The following CLASP1 variants were observed in gnomAD, a reference collection of about 807,000 sequenced individuals.
The protein encoded by CLASP1 is cytoplasmic linker associated protein 1.
A neutral mutation model predicts 192.3 loss-of-function variants in CLASP1; 38 were observed. The observed-to-expected ratio is 0.20, with a 90% confidence interval of 0.15 to 0.26. CLASP1 has a LOEUF of 0.26. CLASP1 is among the 10% of genes least tolerant of loss of function. The pLI, the probability that CLASP1 is intolerant of heterozygous loss-of-function variation, is 1.00. For missense variants in CLASP1, 1,433 were observed against 1,932.5 expected, an observed-to-expected ratio of 0.74 and a Z score of 4.85; for synonymous variants, 691 against 712.8, an observed-to-expected ratio of 0.97 and a Z score of 0.49.
At chr2:121,467,439 ACTC>A (rs1448503086) in intron 9 of CLASP1, among the ~76,000 whole-genome samples, 2 of 151,776 alleles carry the variant, frequency 1.3e-5, no homozygotes, top group Non-Finnish European at 2.9e-5. Flanking sequence ...GTGTAAAAGC[ACTC>A]CTTTTTCTCC....
chr2:121,514,679 C>A (rs939754092), intron 7 of CLASP1, among the ~76,000 whole-genome samples: 3 of 152,218 alleles, frequency 2.0e-5, no homozygotes, highest in African/African-American at 7.2e-5. Context: ...GCCCGTGGAG[C>A]CACCACTTGA....
At chr2:121,460,081 A>G (rs1306773185) in exon 12 of CLASP1, 1 of 1,613,660 alleles carries the variant, frequency 6.2e-7, no homozygotes, top group East Asian at 2.2e-5. Context: ...AGAAGTTATC[A>G]TACTCAGCAG....
intron 1 of CLASP1, among the ~76,000 whole-genome samples, chr2:121,630,423 C>T (rs971531090): frequency 4.7e-5 from 7 of 148,420 alleles, no homozygotes; most frequent in Non-Finnish European, 1.0e-4. Context: ...CACACACACA[C>T]ACGCAGAAGC....
At chr2:121,388,076 G>C in intron 30 of CLASP1, 170 bp from the exon 32 acceptor site, 1 of 525,348 alleles carries the variant, frequency 1.9e-6, no homozygotes, top group South Asian at 2.8e-5. Context: ...CAAGCAGTCT[G>C]ACTTCAATCG....
At chr2:121,425,769 T>A (rs2080271243) in intron 21 of CLASP1, among the ~76,000 whole-genome samples, 1 of 152,080 alleles carries the variant, frequency 6.6e-6, no homozygotes, top group African/African-American at 2.4e-5. Flanking sequence ...ACCTGGTAAA[T>A]AAAAATCACA....
At chr2:121,437,986 T>C (rs572433975) in intron 19 of CLASP1, among the ~76,000 whole-genome samples, 3 of 152,378 alleles carry the variant, frequency 2.0e-5, no homozygotes, top group African/African-American at 7.2e-5. Flanking sequence ...AGTTTATTTC[T>C]TTTAAACACT....
intron 2 of CLASP1, among the ~76,000 whole-genome samples, chr2:121,568,391 C>CA (rs1369268128): frequency 6.6e-6 from 1 of 151,958 alleles, no homozygotes; most frequent in Non-Finnish European, 1.5e-5. Flanking sequence ...AATCAGATAA[C>CA]AAATGACCCT....
At chr2:121,526,015 A>G (rs1055115294) in intron 5 of CLASP1, 95 bp from the exon 6 acceptor site, 14 of 815,692 alleles carry the variant, frequency 1.7e-5, no homozygotes, top group African/African-American at 3.4e-5. Flanking sequence ...TGTCTCCCCA[A>G]TCCCCATCAC....
intron 25 of CLASP1, among the ~76,000 whole-genome samples, chr2:121,405,573 T>C (rs777462682): frequency 6.6e-6 from 1 of 152,242 alleles, no homozygotes; most frequent in Non-Finnish European, 1.5e-5. Flanking sequence ...CCCTGATTAA[T>C]GCCCTCTTAC....
At chr2:121,503,784 C>T (rs931776886) in intron 7 of CLASP1, 1 of 152,202 alleles carries the variant, frequency 6.6e-6, no homozygotes, top group African/African-American at 2.4e-5. Context: ...ATCTGTATTA[C>T]ATTTATTTTC....
chr2:121,395,429 A>G (rs1037235914), intron 30 of CLASP1, among the ~76,000 whole-genome samples: 14 of 152,234 alleles, frequency 9.2e-5, no homozygotes, highest in African/African-American at 3.1e-4. Flanking sequence ...CATTCAAAAC[A>G]TATCAATGCC....
At chr2:121,500,234 T>C (rs1358531982) in intron 8 of CLASP1, among the ~76,000 whole-genome samples, 1 of 148,364 alleles carries the variant, frequency 6.7e-6, no homozygotes, top group Non-Finnish European at 1.5e-5. Context: ...GATCAAAGAA[T>C]TACACTGGGA....
At chr2:121,393,359 CT>C (rs2074706183) in intron 30 of CLASP1, among the ~76,000 whole-genome samples, 2 of 152,066 alleles carry the variant, frequency 1.3e-5, no homozygotes, top group South Asian at 4.1e-4. Flanking sequence ...CTGATATAAC[CT>C]TTAAAAAACT....
intron 2 of CLASP1, among the ~76,000 whole-genome samples, chr2:121,565,401 T>C (rs1001892523): frequency 2.0e-5 from 3 of 152,232 alleles, no homozygotes; most frequent in African/African-American, 7.2e-5. Context: ...GGCTGCCTTG[T>C]TGCACAAGTC....
In CLASP1 at chr2:121,462,404, T is replaced by C. The variant is rs115475659; in HGVS notation, c.939+128A>G. 8.8e-5 allele frequency: 49 copies of C among 555,806 alleles called. No homozygotes were observed. In the East Asian group the frequency reaches 1.3e-3, roughly 15 times the overall value. 34.4% of individuals were successfully genotyped at this position (555,806 alleles called of 1,614,324 possible). ...AACATTTTCTGGTCTGCACCTCAGA[T>C]CTCCTGTAGTGCTGACAGTTAAAAT... On this transcript the variant is annotated intron_variant, in intron 10 of 39. Transcript: ENST00000263710.
chr2:121,557,215 A>G (rs2058644402), intron 2 of CLASP1, among the ~76,000 whole-genome samples: 1 of 152,170 alleles, frequency 6.6e-6, no homozygotes, highest in Non-Finnish European at 1.5e-5. Context: ...AGTTCAGATG[A>G]TAAGTTTTGT....
chr2:121,461,006 A>G (rs2087820993), intron 11 of CLASP1, 95 bp downstream of exon 11: 3 of 735,448 alleles, frequency 4.1e-6, no homozygotes, highest in Non-Finnish European at 6.8e-6. Context: ...TGTACTATTT[A>G]GAATTCATTA....
intron 6 of CLASP1, among the ~76,000 whole-genome samples, chr2:121,521,084 T>C (rs567776688): frequency 3.3e-5 from 5 of 152,314 alleles, no homozygotes; most frequent in African/African-American, 1.2e-4. Flanking sequence ...AGAGAACTGC[T>C]GATTCTCGGG....
intron 2 of CLASP1, among the ~76,000 whole-genome samples, chr2:121,592,833 T>C (rs2062577152): frequency 6.6e-6 from 1 of 152,078 alleles, no homozygotes. Flanking sequence ...TTTGTATTTT[T>C]AGTAGAGACG....
Sources: allele counts gnomAD v4.1 joint callset (sites outside exome capture counted in the v4.1 genomes callset), GRCh38; gene constraint gnomAD v4.1.1; transcripts MANE v1.5; gene names NCBI Gene and HGNC (gene_info 2026-07-23, HGNC 2026-07-21).